Variants in KCTD8 observed in about 807,000 individuals in gnomAD.
The protein encoded by KCTD8 is BTB/POZ domain-containing protein KCTD8.
Under a neutral mutation model 31.5 loss-of-function variants are expected in KCTD8, and 27 were observed. That is an observed-to-expected ratio of 0.86 (90% CI 0.63 to 1.18). The LOEUF (loss-of-function observed/expected upper bound fraction) is 1.18, where lower values mean the gene tolerates loss of function less well. Ranked by LOEUF, KCTD8 falls within the 50% of genes most tolerant of loss-of-function variation. The pLI, the probability that KCTD8 is intolerant of heterozygous loss-of-function variation, is 0.00. For missense variants in KCTD8, 658 were observed against 647.7 expected, an observed-to-expected ratio of 1.02 and a Z score of -0.17; for synonymous variants, 290 against 280.0, an observed-to-expected ratio of 1.04 and a Z score of -0.36.
intron 1 of KCTD8, among the ~76,000 whole-genome samples, chr4:44,204,360 G>A (rs936172727): frequency 2.6e-5 from 4 of 152,168 alleles, no homozygotes; most frequent in African/African-American, 9.6e-5. Flanking sequence ...CCACACCCTG[G>A]GCCTAGTAGT....
At chr4:44,224,959 T>C (rs2109349737) in intron 1 of KCTD8, among the ~76,000 whole-genome samples, 1 of 152,272 alleles carries the variant, frequency 6.6e-6, no homozygotes, top group South Asian at 2.1e-4. Context: ...TCCGCCCACA[T>C]TTCATTGGTA....
intron 1 of KCTD8, among the ~76,000 whole-genome samples, chr4:44,367,920 T>C (rs1719685141): frequency 1.3e-5 from 2 of 152,104 alleles, no homozygotes; most frequent in East Asian, 3.9e-4. Flanking sequence ...AAACTTTTTC[T>C]TCAAAAAATC....
intron 1 of KCTD8, among the ~76,000 whole-genome samples, chr4:44,286,266 C>A (rs1257897410): frequency 2.0e-5 from 3 of 152,036 alleles, no homozygotes; most frequent in Admixed American, 6.6e-5. Flanking sequence ...CTCATATATC[C>A]AATACTTAGA....
At chr4:44,228,361 C>G (rs772215717) in intron 1 of KCTD8, among the ~76,000 whole-genome samples, 13 of 152,158 alleles carry the variant, frequency 8.5e-5, no homozygotes, top group South Asian at 4.2e-4. Flanking sequence ...TTAGGGTCTG[C>G]CCTTAGGAAC....
intron 1 of KCTD8, among the ~76,000 whole-genome samples, chr4:44,185,536 C>T (rs1474803425): frequency 6.6e-6 from 1 of 152,108 alleles, no homozygotes; most frequent in Non-Finnish European, 1.5e-5. Context: ...CACAAATAAC[C>T]CCAGCCCATA....
intron 1 of KCTD8, among the ~76,000 whole-genome samples, chr4:44,177,234 G>A (rs1165754693): frequency 6.6e-6 from 1 of 152,006 alleles, no homozygotes; most frequent in Non-Finnish European, 1.5e-5. Flanking sequence ...CTGGCTTTCA[G>A]ATGGATTCAG....
intron 1 of KCTD8, among the ~76,000 whole-genome samples, chr4:44,232,112 A>AC (rs1715135227): frequency 6.6e-6 from 1 of 152,152 alleles, no homozygotes; most frequent in South Asian, 2.1e-4. Flanking sequence ...ATTCAATTTG[A>AC]TTCATTTGAA....
At chr4:44,401,380 G>T (rs1720658416) in intron 1 of KCTD8, among the ~76,000 whole-genome samples, 1 of 152,016 alleles carries the variant, frequency 6.6e-6, no homozygotes, top group African/African-American at 2.4e-5. Context: ...TCTTCTTACA[G>T]CTGTCACTGA....
chr4:44,228,823 T>C (rs1209109205), intron 1 of KCTD8, among the ~76,000 whole-genome samples: 1 of 152,226 alleles, frequency 6.6e-6, no homozygotes, highest in Non-Finnish European at 1.5e-5. Context: ...ACTTATACAT[T>C]AAAGAGTTTC....
intron 1 of KCTD8, among the ~76,000 whole-genome samples, chr4:44,411,392 A>C (rs145699112): frequency 6.6e-6 from 1 of 151,592 alleles, no homozygotes; most frequent in East Asian, 1.9e-4. Flanking sequence ...AAAAAAAAAA[A>C]AAAAAAAAAA....
intron 1 of KCTD8, among the ~76,000 whole-genome samples, chr4:44,207,373 T>A (rs919204869): frequency 2.6e-5 from 4 of 152,230 alleles, no homozygotes; most frequent in African/African-American, 9.6e-5. Flanking sequence ...TACTTCTTCC[T>A]GATTTCCCTC....
chr4:44,289,764 A>T (rs7667239), intron 1 of KCTD8, among the ~76,000 whole-genome samples: 104,938 of 151,730 alleles, frequency 0.69, 36,414 homozygotes, highest in African/African-American at 0.75. Flanking sequence ...AGCCTGGGGG[A>T]TTTTGCACAC....
intron 1 of KCTD8, among the ~76,000 whole-genome samples, chr4:44,414,735 T>A (rs895318096): frequency 1.3e-5 from 2 of 152,176 alleles, no homozygotes; most frequent in Non-Finnish European, 1.5e-5. Flanking sequence ...CCCCTCAAAA[T>A]CTCATATTGG....
At chr4:44,447,401 G>C (rs934275202) in intron 1 of KCTD8, among the ~76,000 whole-genome samples, 162 bp downstream of exon 1, 1 of 152,194 alleles carries the variant, frequency 6.6e-6, no homozygotes, top group Non-Finnish European at 1.5e-5. Context: ...AATGTAAATC[G>C]TGTCTACTGC....
At chr4:44,374,635 G>A (rs1306676023) in intron 1 of KCTD8, among the ~76,000 whole-genome samples, 1 of 152,100 alleles carries the variant, frequency 6.6e-6, no homozygotes, top group Non-Finnish European at 1.5e-5. Context: ...GAAAGTCAGA[G>A]ACATGTGACT....
chr4:44,387,460 A>T (rs1720253874), intron 1 of KCTD8, among the ~76,000 whole-genome samples: 1 of 152,038 alleles, frequency 6.6e-6, no homozygotes, highest in African/African-American at 2.4e-5. Flanking sequence ...ACACTACCTG[A>T]CTTCAAACTA....
intron 1 of KCTD8, among the ~76,000 whole-genome samples, chr4:44,279,352 T>A (rs2109377692): frequency 6.6e-6 from 1 of 152,142 alleles, no homozygotes; most frequent in East Asian, 1.9e-4. Context: ...CCCAGTTCAT[T>A]CAGGAGGCTA....
At chr4:44,337,922 G>C (rs952782403) in intron 1 of KCTD8, among the ~76,000 whole-genome samples, 2 of 151,610 alleles carry the variant, frequency 1.3e-5, no homozygotes, top group African/African-American at 4.8e-5. Flanking sequence ...TACAATATAT[G>C]CAATATTTAT....
chr4:44,234,010 A>G (rs550987450), intron 1 of KCTD8, among the ~76,000 whole-genome samples: 40 of 152,190 alleles, frequency 2.6e-4, no homozygotes, highest in Non-Finnish European at 5.0e-4. Flanking sequence ...TATCAATATA[A>G]TAAGATTAAA....
Sources: allele counts gnomAD v4.1 joint callset (sites outside exome capture counted in the v4.1 genomes callset), GRCh38; gene constraint gnomAD v4.1.1; transcripts MANE v1.5; gene names NCBI Gene and HGNC (gene_info 2026-07-23, HGNC 2026-07-21).